PMPCA: variants seen among roughly 807,000 people sequenced by gnomAD.
PMPCA encodes mitochondrial-processing peptidase subunit alpha.
A neutral mutation model predicts 59.3 loss-of-function variants in PMPCA; 47 were observed. That is an observed-to-expected ratio of 0.79 (90% CI 0.63 to 1.01). The LOEUF is 1.01. PMPCA is among the 50% of genes least tolerant of loss of function. PMPCA has a pLI of 0.00. For synonymous variants in PMPCA, 338 were observed against 290.3 expected (o/e 1.16, Z -1.67); for missense variants, 726 against 704.5 (o/e 1.03, Z -0.34).
chr9:136,421,832 G>C lies in PMPCA; in HGVS notation c.1264G>C (p.Val422Leu). Reference protein sequence around the residue: ...FILMGGTVDTVELERAKTQLT... With the variant: ...FILMGGTVDTLELERAKTQLT... ...TCACCTGACTGGACCCTGGCCCCAG[G>C]TGGAGCTGGAACGAGCCAAGACGCA... is the stretch of plus-strand genomic sequence containing the variant. The change falls in exon 12 of 13, where the codon GTG becomes CTG. Residue 422 changes from valine to leucine, a missense_variant and splice_region_variant. Transcript: ENST00000371717. The C allele has an allele frequency of 6.3e-7, 1 of 1,584,304 alleles. No homozygotes were observed.
At chr9:136,422,787 A>C in intron 12 of PMPCA, 1 of 1,145,850 alleles carries the variant, frequency 8.7e-7, no homozygotes, top group Non-Finnish European at 1.1e-6. Flanking sequence ...TTTTTTCTGC[A>C]GGCCGTCCTA....
chr9:136,423,054 C>T (rs752151154), intron 12 of PMPCA, 41 bp from the exon 13 acceptor site: 49 of 1,571,460 alleles, frequency 3.1e-5, no homozygotes, highest in Non-Finnish European at 3.7e-5. Flanking sequence ...GCGTGGGGGC[C>T]GTGGCGCGCT....
chr9:136,417,992 C>T (rs761631300), intron 7 of PMPCA, 25 bp from the exon 8 acceptor site: 3 of 1,546,572 alleles, frequency 1.9e-6, no homozygotes, highest in African/African-American at 1.4e-5. Flanking sequence ...CACATGGCGA[C>T]ACTTGCTTGT....
chr9:136,413,602 G>A (rs10870146), intron 4 of PMPCA, among the ~76,000 whole-genome samples: 68,475 of 151,950 alleles, frequency 0.45, 15,769 homozygotes, highest in Admixed American at 0.55. Context: ...CTAAAACAAG[G>A]CCTCTTAATA....
At chr9:136,419,418 T>A (rs1404310534) in intron 11 of PMPCA, 3 of 497,212 alleles carry the variant, frequency 6.0e-6, no homozygotes, top group African/African-American at 5.8e-5. Flanking sequence ...ACCATGTGAC[T>A]CTCTCAGCTT....
Position 136,412,224 on chromosome 9 carries a change from G to A in PMPCA, c.274+25G>A, listed in dbSNP as rs552035832. 1.1e-4 allele frequency: 164 copies of A among 1,546,598 alleles called. 1 individual carries two copies. In the South Asian group the frequency reaches 1.7e-3, roughly 16 times the overall value. ...AGTAAGTACTGTTGTGTTGTCGTGGGTGGTCCCGCAGTTTTAACATGCACA... is the reference window on the plus strand; with the variant it reads ...AGTAAGTACTGTTGTGTTGTCGTGGATGGTCCCGCAGTTTTAACATGCACA... On this transcript the variant is annotated intron_variant, in intron 2 of 12. Transcript: ENST00000371717.
At chr9:136,415,991 G>A (rs1264413820) in intron 5 of PMPCA, 5 of 479,140 alleles carry the variant, frequency 1.0e-5, no homozygotes, top group Non-Finnish European at 1.5e-5. Context: ...GCAGCACTTG[G>A]GACAGACAGG....
At chr9:136,418,455 C>G in intron 8 of PMPCA, 100 bp from the exon 9 acceptor site, 1 of 787,734 alleles carries the variant, frequency 1.3e-6, no homozygotes. Context: ...CCTGACGTGG[C>G]TTGGGCGACT....
intron 2 of PMPCA, 36 bp from the exon 3 acceptor site, chr9:136,412,454 T>C (rs761232450): frequency 1.0e-6 from 1 of 983,686 alleles, no homozygotes; most frequent in Non-Finnish European, 1.6e-6. Context: ...ATTTTGAATA[T>C]CTGATGTAAC....
At chr9:136,421,147 T>C (rs1008506903) in intron 11 of PMPCA, among the ~76,000 whole-genome samples, 1 of 152,234 alleles carries the variant, frequency 6.6e-6, no homozygotes, top group African/African-American at 2.4e-5. Context: ...CGGAGGCGTC[T>C]GGGGAAGCCC....
chr9:136,422,619 A>G (rs1378938627), intron 12 of PMPCA: 2 of 1,006,058 alleles, frequency 2.0e-6, no homozygotes, highest in African/African-American at 3.5e-5. Context: ...GCCCCCGCTT[A>G]AATCCTCAAG....
In PMPCA at chr9:136,421,820, C is replaced by T; in HGVS notation, c.1264-12C>T. 3 of 1,576,730 alleles carry T rather than the reference C, an allele frequency of 1.9e-6. No homozygotes were observed. The highest frequency in any genetic ancestry group is 2.6e-6 in the Non-Finnish European group (3 of 1,157,014). On this transcript the variant is annotated splice_polypyrimidine_tract_variant and intron_variant, in intron 11 of 12. Coordinates refer to ENST00000371717, the MANE Select transcript of PMPCA (RefSeq NM_015160.3). ...GCGGGTGTGTGCTCACCTGACTGGA[C>T]CCTGGCCCCAGGTGGAGCTGGAACG...
At chr9:136,415,702 G>A (rs866049682) in intron 5 of PMPCA, among the ~76,000 whole-genome samples, 3 of 152,156 alleles carry the variant, frequency 2.0e-5, no homozygotes, top group East Asian at 1.9e-4. Flanking sequence ...GCGCGATCTC[G>A]GCTCACTGCA....
In PMPCA at chr9:136,410,780, C is replaced by T. The variant is rs746071657; in HGVS notation, c.71+41C>T. ...ACCAGGCTTCGGCCTGGGGCGGGGG[C>T]GGCTCGAGTCTTTCTGGACGCTCCG... On this transcript the variant is annotated intron_variant, in intron 1 of 12. Transcript: ENST00000371717. 2.2e-5 allele frequency: 30 copies of T among 1,356,202 alleles called. No homozygotes were observed. In the East Asian group the frequency reaches 2.8e-4, roughly 13 times the overall value. The allele number at this position is 1,356,202 out of a possible 1,614,324, so 84.0% of individuals were successfully genotyped here. A position where few individuals can be genotyped will look rare whatever the true frequency, so the allele number is the denominator to read the frequency against.
In PMPCA at chr9:136,418,461, C is replaced by T. The variant is rs529315569; in HGVS notation, c.991-94C>T. ...AGCGGCGCTCCTGACGTGGCTTGGG[C>T]GACTCAGCCAGCTCTGCCCTCCGTC... On this transcript the variant is annotated intron_variant, in intron 8 of 12. Coordinates refer to ENST00000371717, the MANE Select transcript of PMPCA (RefSeq NM_015160.3). 1.0e-4 allele frequency: 82 copies of T among 821,612 alleles called. 1 individual carries two copies. The African/African-American group carries it at 1.0e-3, about 10-fold the overall frequency. The allele number at this position is 821,612 out of a possible 1,614,324, so 50.9% of individuals were successfully genotyped here.
At chr9:136,417,338 A>G in intron 7 of PMPCA, 124 bp downstream of exon 7, 1 of 739,994 alleles carries the variant, frequency 1.4e-6, no homozygotes, top group Middle Eastern at 2.5e-4. Flanking sequence ...CTTTGCCTTA[A>G]CACATGCTGT....
Position 136,423,117 on chromosome 9 carries a change from G to A in PMPCA, c.1431G>A (p.Val477=), listed in dbSNP as rs1039295867. The A allele has an allele frequency of 2.5e-6, 4 of 1,613,130 alleles. No homozygotes were observed. The East Asian group carries it at 6.7e-5, about 27-fold the overall frequency. ...TLIRNVKPED[V]KRVASKMLRG... is the part of the protein sequence containing the mutation. ...TAGGCAACGTGAAGCCGGAAGATGT[G>A]AAGAGAGTCGCTTCTAAGATGCTCC... The change falls in exon 13 of 13, where the codon GTG becomes GTA. Residue 477 remains valine, a synonymous_variant. Transcript: ENST00000371717.
At chr9:136,416,230 C>A in intron 5 of PMPCA, 61 bp from the exon 6 acceptor site, 1 of 1,235,976 alleles carries the variant, frequency 8.1e-7, no homozygotes, top group Non-Finnish European at 1.2e-6. Flanking sequence ...CTGTGGGTCA[C>A]TGCTGTGTTC....
chr9:136,411,880 G>A (rs1835129272), intron 1 of PMPCA, 117 bp from the exon 2 acceptor site: 2 of 695,806 alleles, frequency 2.9e-6, no homozygotes, highest in African/African-American at 3.5e-5. Context: ...AATAAGTCCT[G>A]TAGAAAGGCA....
Sources: allele counts gnomAD v4.1 joint callset (sites outside exome capture counted in the v4.1 genomes callset), GRCh38; gene constraint gnomAD v4.1.1; transcripts MANE v1.5; gene names NCBI Gene and HGNC (gene_info 2026-07-23, HGNC 2026-07-21).